VTCN1: variants seen among roughly 807,000 people sequenced by gnomAD.
VTCN1 encodes the protein V-set domain containing T cell activation inhibitor 1.
A neutral mutation model predicts 26.5 loss-of-function variants in VTCN1; 26 were observed. The ratio of observed to expected loss-of-function variants is 0.98; its 90% CI spans 0.72 to 1.36. The LOEUF is 1.36. Ranked by LOEUF, VTCN1 falls within the 40% of genes most tolerant of loss-of-function variation. The pLI is 0.00. For synonymous variants in VTCN1, 116 were observed against 130.7 expected, an observed-to-expected ratio of 0.89 and a Z score of 0.77; for missense variants, 298 against 337.7, an observed-to-expected ratio of 0.88 and a Z score of 0.92.
rs1006944059 is a variant in VTCN1, at chr1:117,161,494, C to T, written c.98-4573G>A. ...TATTATAGCAGCTGTCTCCCTCTACCTGGTCTCTAATCTATCTCTGGAACT... is the reference window on the plus strand; with the variant it reads ...TATTATAGCAGCTGTCTCCCTCTACTTGGTCTCTAATCTATCTCTGGAACT... On this transcript the variant is annotated intron_variant, in intron 2 of 5. Coordinates refer to ENST00000369458, the MANE Select transcript of VTCN1 (RefSeq NM_024626.4). This position sits in a 1 kb window ranked among gnomAD's most constrained non-coding sequence, Gnocchi z 4.3. Among the ~76,000 whole-genome samples the T allele has an allele frequency of 6.6e-6, 1 of 152,146 alleles. No individual in the cohort carries two copies. Among genetic ancestry groups the T allele is most frequent in the African/African-American group, 2.4e-5 (1 of 41,424 alleles).
At chr1:117,206,344 C>T (rs1000565732) in intron 1 of VTCN1, among the ~76,000 whole-genome samples, 1 of 152,000 alleles carries the variant, frequency 6.6e-6, no homozygotes, top group Non-Finnish European at 1.5e-5. Flanking sequence ...GGAGAGCCAA[C>T]CAAGAACCAT....
At chr1:117,174,211 A>G (rs1653078442) in intron 1 of VTCN1, among the ~76,000 whole-genome samples, 1 of 152,242 alleles carries the variant, frequency 6.6e-6, no homozygotes, top group South Asian at 2.1e-4. Context: ...TAACCACTGC[A>G]TTGGGATTCA....
At chr1:117,201,615 G>A (rs1178518391) in intron 1 of VTCN1, among the ~76,000 whole-genome samples, 1 of 152,200 alleles carries the variant, frequency 6.6e-6, no homozygotes, top group Non-Finnish European at 1.5e-5. Flanking sequence ...AAGTACCCAA[G>A]AGATATAGCC....
intron 1 of VTCN1, among the ~76,000 whole-genome samples, chr1:117,193,651 A>G (rs918803367): frequency 6.6e-6 from 1 of 152,184 alleles, no homozygotes; most frequent in East Asian, 1.9e-4. Flanking sequence ...CCAAAATAGT[A>G]GGGGACTTTA....
intron 1 of VTCN1, among the ~76,000 whole-genome samples, chr1:117,189,258 T>C (rs1025464079): frequency 2.6e-5 from 4 of 152,186 alleles, no homozygotes; most frequent in East Asian, 3.8e-4. Flanking sequence ...CTGCTGCCTA[T>C]TTTCTTGTCT....
At chr1:117,150,814 A>G (rs918700882) in intron 4 of VTCN1, among the ~76,000 whole-genome samples, 3 of 151,944 alleles carry the variant, frequency 2.0e-5, no homozygotes, top group African/African-American at 7.3e-5. Context: ...CCACCATTCT[A>G]CTTTCTGTTT....
intron 1 of VTCN1, among the ~76,000 whole-genome samples, chr1:117,177,206 A>G (rs759694837): frequency 6.6e-6 from 1 of 152,220 alleles, no homozygotes; most frequent in Non-Finnish European, 1.5e-5. Flanking sequence ...ATTATTTTAA[A>G]TGCTATGTGG....
At chr1:117,194,384 G>A (rs1286307549) in intron 1 of VTCN1, among the ~76,000 whole-genome samples, 1 of 152,158 alleles carries the variant, frequency 6.6e-6, no homozygotes, top group Non-Finnish European at 1.5e-5. Flanking sequence ...TGTTGGTGCG[G>A]ATGCAGAGAA....
intron 1 of VTCN1, chr1:117,173,152 C>A (rs1423743595): frequency 1.4e-6 from 1 of 715,290 alleles, no homozygotes. Context: ...ACAAACAACT[C>A]CGGACGCGCC....
intron 1 of VTCN1, among the ~76,000 whole-genome samples, chr1:117,201,523 C>T (rs1648786119): frequency 6.6e-6 from 1 of 152,196 alleles, no homozygotes; most frequent in African/African-American, 2.4e-5. Context: ...AGCCTTGTTC[C>T]TAGGTTCTGA....
At chr1:117,166,730 A>G (rs1652633237) in intron 2 of VTCN1, among the ~76,000 whole-genome samples, 1 of 151,898 alleles carries the variant, frequency 6.6e-6, no homozygotes, top group African/African-American at 2.4e-5. Context: ...GTACTTTAGC[A>G]TTACTATCTT....
At chr1:117,173,531 T>C (rs6676581) in intron 1 of VTCN1, among the ~76,000 whole-genome samples, 10,604 of 152,216 alleles carry the variant, frequency 0.07, 1,225 homozygotes, top group African/African-American at 0.24. Flanking sequence ...GACATGTCCA[T>C]CCTGGCCTCC....
chr1:117,197,123 C>T (rs1648550881), intron 1 of VTCN1, among the ~76,000 whole-genome samples: 1 of 152,074 alleles, frequency 6.6e-6, no homozygotes, highest in African/African-American at 2.4e-5. Flanking sequence ...TACTTTTAGA[C>T]AACATGTTTA....
At chr1:117,173,337 A>G (rs953480556) in intron 1 of VTCN1, 4 of 570,156 alleles carry the variant, frequency 7.0e-6, no homozygotes, top group African/African-American at 3.9e-5. Context: ...TGGTGTCCTT[A>G]TAAAAAGGGG....
intron 1 of VTCN1, among the ~76,000 whole-genome samples, chr1:117,201,398 G>A (rs1431951829): frequency 2.0e-5 from 3 of 152,194 alleles, no homozygotes; most frequent in Admixed American, 6.5e-5. Context: ...GAAAGGCACA[G>A]TAACTCGGGA....
intron 2 of VTCN1, among the ~76,000 whole-genome samples, chr1:117,162,307 T>A (rs1234119939): frequency 2.6e-5 from 4 of 152,250 alleles, no homozygotes; most frequent in Non-Finnish European, 4.4e-5. Context: ...CAAAATTTAA[T>A]TTGCAAGCAA....
rs529700093 is a variant in VTCN1, at chr1:117,205,426, G to T, written c.32+5398C>A. ...GATCCGCCTGCCTCAGCCTTCCAAA[G>T]TGCTGAGATTACAGGTGTGAGCCAC... On this transcript the variant is annotated intron_variant, in intron 1 of 5. Coordinates refer to ENST00000369458, the MANE Select transcript of VTCN1 (RefSeq NM_024626.4). 1.2e-4 allele frequency among the ~76,000 whole-genome samples: 19 copies of T among 152,168 alleles called. No individual in the cohort carries two copies. In the South Asian group the frequency reaches 3.3e-3, roughly 27 times the overall value.
rs559006890 is a variant in VTCN1 at position 117,167,239 on chromosome 1, C to T, written c.97+2868G>A. Among the ~76,000 whole-genome samples the T allele has an allele frequency of 1.1e-4, 17 of 152,174 alleles. No homozygotes were observed. Among genetic ancestry groups the T allele is most frequent in the Middle Eastern group, 3.4e-3 (1 of 294 alleles). Reference sequence around the variant, plus strand: ...TATACAAACATAAAAATCCACACATCATAACTGTACAGCTTGAAGAATGAT... The same window carrying T: ...TATACAAACATAAAAATCCACACATTATAACTGTACAGCTTGAAGAATGAT... On this transcript the variant is annotated intron_variant, in intron 2 of 5. Transcript: ENST00000369458. This position sits in a 1 kb window ranked among gnomAD's most constrained non-coding sequence, Gnocchi z 4.1.
intron 1 of VTCN1, among the ~76,000 whole-genome samples, chr1:117,170,898 T>C (rs906132070): frequency 1.3e-5 from 2 of 152,180 alleles, no homozygotes; most frequent in Non-Finnish European, 2.9e-5. Flanking sequence ...TGCAGGTTCG[T>C]TACATAGGTA....
Sources: gnomAD v4.1 joint callset for allele counts (sites outside exome capture counted in the v4.1 genomes callset) on GRCh38, gnomAD v4.1.1 for gene constraint, Gnocchi (gnomAD v3.1) non-coding constraint, MANE v1.5 for transcripts, NCBI Gene and HGNC (gene_info 2026-07-23, HGNC 2026-07-21) for gene names.